Variants in STPG2 observed in about 807,000 individuals in gnomAD.
STPG2 encodes the protein sperm-tail PG-rich repeat-containing protein 2.
STPG2 carries 56 observed loss-of-function variants against 54.2 expected under a neutral mutation model. The observed-to-expected ratio is 1.03, with a 90% CI of 0.83 to 1.29. STPG2 has a LOEUF of 1.29. Among genes scored for constraint, STPG2 ranks in the 50% most tolerant of loss-of-function variants. The pLI, the probability that STPG2 is intolerant of heterozygous loss-of-function variation, is 0.00. For synonymous variants in STPG2, 200 were observed against 181.8 expected, an observed-to-expected ratio of 1.10 and a Z score of -0.81; for missense variants, 596 against 544.9, an observed-to-expected ratio of 1.09 and a Z score of -0.93.
intron 4 of STPG2, among the ~76,000 whole-genome samples, chr4:97,534,534 T>C (rs1731486867): frequency 6.6e-6 from 1 of 151,966 alleles, no homozygotes; most frequent in African/African-American, 2.4e-5. Flanking sequence ...TGAAAAGACT[T>C]TTTTTTTCCC....
intron 9 of STPG2, among the ~76,000 whole-genome samples, chr4:97,768,048 T>C (rs1726109514): frequency 6.6e-6 from 1 of 151,686 alleles, no homozygotes; most frequent in Admixed American, 6.6e-5. Context: ...GCGTCTGTAG[T>C]CCCAGTTACT....
At chr4:97,600,080 C>G (rs1733419212) in intron 10 of STPG2, among the ~76,000 whole-genome samples, 2 of 151,906 alleles carry the variant, frequency 1.3e-5, no homozygotes, top group African/African-American at 4.8e-5. Flanking sequence ...AATATTAGGA[C>G]CTACTTGAGG....
At position 97,809,819 on chromosome 4, in the gene STPG2, C is replaced by G. The variant is rs142154018; in HGVS notation, c.1204+30954G>C. On this transcript the variant is annotated intron_variant, in intron 9 of 10. Coordinates refer to ENST00000295268, the MANE Select transcript of STPG2 (RefSeq NM_174952.3). ...AAGAAGGGAACTTTAAAGAGCTGCC[C>G]AGACCTCTGATCTATAGAACTGTGA... Among the ~76,000 whole-genome samples, 8 of 152,134 alleles carry G rather than the reference C, an allele frequency of 5.3e-5. No homozygotes were observed. The East Asian group carries it at 1.4e-3, about 26-fold the overall frequency.
chr4:97,906,432 G>C (rs1247552548), intron 8 of STPG2, among the ~76,000 whole-genome samples: 3 of 152,164 alleles, frequency 2.0e-5, no homozygotes, highest in South Asian at 4.1e-4. Flanking sequence ...AATTCTACCA[G>C]AGGTACAAGG....
intron 10 of STPG2, among the ~76,000 whole-genome samples, chr4:97,701,322 A>G (rs1337124684): frequency 6.6e-6 from 1 of 152,090 alleles, no homozygotes; most frequent in African/African-American, 2.4e-5. Context: ...CCTGAGCTAA[A>G]ACCCCTTTAA....
At chr4:97,565,867 C>G (rs990386598) in intron 10 of STPG2, among the ~76,000 whole-genome samples, 19 of 152,142 alleles carry the variant, frequency 1.2e-4, no homozygotes, top group Non-Finnish European at 2.6e-4. Context: ...CCCAGTTAGG[C>G]TGCTCAGAGG....
intron 4 of STPG2, among the ~76,000 whole-genome samples, chr4:98,106,905 A>C (rs1422233211): frequency 6.6e-6 from 1 of 152,210 alleles, no homozygotes; most frequent in African/African-American, 2.4e-5. Flanking sequence ...TTCAAAAAAA[A>C]TCTGATACCC....
intron 10 of STPG2, among the ~76,000 whole-genome samples, chr4:97,662,994 A>G (rs1464447317): frequency 1.3e-5 from 2 of 152,186 alleles, no homozygotes; most frequent in Non-Finnish European, 2.9e-5. Context: ...TTGAAGAAAA[A>G]TTTATCTTTT....
At chr4:97,967,404 T>C (rs1346963216) in intron 7 of STPG2, among the ~76,000 whole-genome samples, 1 of 151,982 alleles carries the variant, frequency 6.6e-6, no homozygotes, top group African/African-American at 2.4e-5. Context: ...TACACAATAA[T>C]AATGGGAGAC....
At chr4:97,510,782 G>A (rs1730955229) in intron 4 of STPG2, among the ~76,000 whole-genome samples, 1 of 152,112 alleles carries the variant, frequency 6.6e-6, no homozygotes, top group African/African-American at 2.4e-5. Context: ...AAGGAATACA[G>A]GGAAGAATCG....
At chr4:98,062,899 A>G (rs1024308219) in intron 5 of STPG2, among the ~76,000 whole-genome samples, 1 of 151,948 alleles carries the variant, frequency 6.6e-6, no homozygotes, top group Admixed American at 6.6e-5. Context: ...TATAGTTATT[A>G]TCTTCTTTTT....
intron 9 of STPG2, among the ~76,000 whole-genome samples, chr4:97,840,378 C>A (rs573459017): frequency 6.6e-6 from 1 of 151,172 alleles, no homozygotes; most frequent in East Asian, 1.9e-4. Flanking sequence ...GAGACATAAC[C>A]CACCCTCCCC....
At chr4:97,622,401 C>A (rs1734035167) in intron 10 of STPG2, among the ~76,000 whole-genome samples, 2 of 152,044 alleles carry the variant, frequency 1.3e-5, no homozygotes, top group Admixed American at 6.5e-5. Context: ...CCAAAAGTTT[C>A]TTGATTAGAT....
chr4:97,956,980 C>A (rs1434920905), intron 7 of STPG2, among the ~76,000 whole-genome samples: 1 of 151,952 alleles, frequency 6.6e-6, no homozygotes, highest in African/African-American at 2.4e-5. Context: ...AAGAAGAAAT[C>A]CCTGATTTGC....
chr4:98,050,937 G>A (rs745574198), intron 5 of STPG2, among the ~76,000 whole-genome samples: 4 of 151,842 alleles, frequency 2.6e-5, no homozygotes, highest in Middle Eastern at 3.4e-3. Context: ...CCTGGGAGGC[G>A]GAGCTTGCAG....
At chr4:97,988,635 C>T (rs2149267718) in intron 5 of STPG2, among the ~76,000 whole-genome samples, 1 of 152,288 alleles carries the variant, frequency 6.6e-6, no homozygotes, top group African/African-American at 2.4e-5. Context: ...GATATGGGCT[C>T]TCACTCTGTT....
intron 8 of STPG2, among the ~76,000 whole-genome samples, chr4:97,909,169 A>G (rs1307374516): frequency 6.6e-6 from 1 of 151,844 alleles, no homozygotes; most frequent in Non-Finnish European, 1.5e-5. Flanking sequence ...CAGGAATTTT[A>G]AGAAGCAATT....
chr4:97,465,280 A>G (rs1049889671), intron 4 of STPG2, among the ~76,000 whole-genome samples: 1 of 152,094 alleles, frequency 6.6e-6, no homozygotes, highest in African/African-American at 2.4e-5. Context: ...CCAGATTTCA[A>G]AGTCGTGGCT....
intron 4 of STPG2, among the ~76,000 whole-genome samples, chr4:97,477,033 T>C (rs572815231): frequency 6.6e-6 from 1 of 152,088 alleles, no homozygotes; most frequent in Admixed American, 6.5e-5. Context: ...CAGCATGGAG[T>C]AGACCAACCT....
Sources: gnomAD v4.1 joint callset for allele counts (sites outside exome capture counted in the v4.1 genomes callset) on GRCh38, gnomAD v4.1.1 for gene constraint, MANE v1.5 for transcripts, NCBI Gene and HGNC (gene_info 2026-07-23, HGNC 2026-07-21) for gene names.